ATOH8: variants seen among roughly 807,000 people sequenced by gnomAD.
The protein encoded by ATOH8 is transcription factor ATOH8.
In ATOH8, 9 loss-of-function variants were observed where a neutral mutation model predicts 21.2. The ratio of observed to expected loss-of-function variants is 0.42; its 90% confidence interval spans 0.26 to 0.74. ATOH8 has a LOEUF of 0.74. Ranked by LOEUF, ATOH8 falls within the 30% of genes least tolerant of loss-of-function variation. The probability of loss-of-function intolerance (pLI) is 0.24; values close to 1 mark genes in which losing one functional copy is unlikely to be tolerated. For missense variants in ATOH8, 524 were observed against 470.9 expected (o/e 1.11, Z -1.04); for synonymous variants, 253 against 224.0 (o/e 1.13, Z -1.16).
At chr2:85,772,924 G>C in intron 2 of ATOH8, 1 of 415,184 alleles carries the variant, frequency 2.4e-6, no homozygotes. Context: ...CTGACACTGC[G>C]GAACTTTTCT....
In ATOH8 at chr2:85,790,239, G is replaced by A. The variant is rs1680733501; in HGVS notation, c.*3349G>A. Among the ~76,000 whole-genome samples the A allele has an allele frequency of 6.6e-6, 1 of 152,212 alleles. No homozygotes were observed. Among genetic ancestry groups the A allele is most frequent in the South Asian group, 2.1e-4 (1 of 4,824 alleles). On this transcript the variant is annotated 3_prime_UTR_variant, in exon 3 of 3. Transcript: ENST00000306279. ...TGGGTCACCAGGCACAGGCCATAAA[G>A]GGATGAGGGGGCCCTCTCCAGGGAC...
chr2:85,756,483 G>T lies in ATOH8; in HGVS notation c.768+1526G>T, dbSNP rs533651927. Reference sequence around the variant, plus strand: ...GTGCCCAGAGCCTCATAGCTGTTGAGTAGCAGGTCAGGGCTGGCACCTAGG... The same window carrying T: ...GTGCCCAGAGCCTCATAGCTGTTGATTAGCAGGTCAGGGCTGGCACCTAGG... On this transcript the variant is annotated intron_variant, in intron 1 of 2. Coordinates refer to ENST00000306279, the MANE Select transcript of ATOH8 (RefSeq NM_032827.7). Among the ~76,000 whole-genome samples, 8 of 152,312 alleles carry T rather than the reference G, an allele frequency of 5.3e-5. No homozygotes were observed. In the South Asian group the frequency reaches 1.5e-3, roughly 28 times the overall value.
chr2:85,778,314 G>T (rs557281590), intron 2 of ATOH8, among the ~76,000 whole-genome samples: 1 of 152,236 alleles, frequency 6.6e-6, no homozygotes, highest in African/African-American at 2.4e-5. Flanking sequence ...GTGTGTGTGT[G>T]TGCGCGCGCG....
Position 85,789,572 on chromosome 2 carries a change from G to A in ATOH8, c.*2682G>A, listed in dbSNP as rs1460178365. Reference sequence around the variant, plus strand: ...GGCTTTCTATGCAGAGGAGCACTCAGCGCTGGCAGGAAATTGGAATCACCC... The same window carrying A: ...GGCTTTCTATGCAGAGGAGCACTCAACGCTGGCAGGAAATTGGAATCACCC... On this transcript the variant is annotated 3_prime_UTR_variant, in exon 3 of 3. Coordinates refer to ENST00000306279, the MANE Select transcript of ATOH8 (RefSeq NM_032827.7). Among the ~76,000 whole-genome samples the A allele has an allele frequency of 6.6e-6, 1 of 152,210 alleles. No individual in the cohort carries two copies. Among genetic ancestry groups the A allele is most frequent in the Admixed American group, 6.5e-5 (1 of 15,284 alleles).
At chr2:85,775,537 A>T (rs1310230541) in intron 2 of ATOH8, among the ~76,000 whole-genome samples, 1 of 152,202 alleles carries the variant, frequency 6.6e-6, no homozygotes, top group Non-Finnish European at 1.5e-5. Context: ...ATAGTTCAGA[A>T]ATCAGCTGCT....
At chr2:85,760,082 T>C (rs540502962) in intron 1 of ATOH8, among the ~76,000 whole-genome samples, 2 of 152,100 alleles carry the variant, frequency 1.3e-5, no homozygotes, top group African/African-American at 4.8e-5. Flanking sequence ...CCCAGGCCAG[T>C]GCTCTTCATG....
chr2:85,776,531 C>T (rs79736566), intron 2 of ATOH8, among the ~76,000 whole-genome samples: 3 of 152,212 alleles, frequency 2.0e-5, no homozygotes, highest in Non-Finnish European at 4.4e-5. Flanking sequence ...CCCCTCCTCA[C>T]GCAGTGACTT....
intron 2 of ATOH8, among the ~76,000 whole-genome samples, chr2:85,781,582 AG>A (rs1236299036): frequency 6.6e-6 from 1 of 151,620 alleles, no homozygotes; most frequent in Non-Finnish European, 1.5e-5. Context: ...AAATAAATAA[AG>A]ATGAGGAAAC....
chr2:85,754,324 G>A lies in ATOH8; in HGVS notation c.135G>A (p.Leu45=). The change falls in exon 1 of 3, where the codon CTG becomes CTA. Residue 45 remains leucine (L), a synonymous_variant. Transcript: ENST00000306279. ...RRANGYKTFR[L]DLEAPEPRAV... is the part of the protein sequence containing the mutation. ...CGAACGGCTATAAAACTTTCCGACTGGACTTGGAAGCGCCCGAGCCCCGCG... is the reference window on the plus strand; with the variant it reads ...CGAACGGCTATAAAACTTTCCGACTAGACTTGGAAGCGCCCGAGCCCCGCG... 8 of 1,609,360 alleles carry A rather than the reference G, an allele frequency of 5.0e-6. No homozygotes were observed. The highest frequency in any genetic ancestry group is 6.8e-6 in the Non-Finnish European group (8 of 1,178,618).
intron 2 of ATOH8, among the ~76,000 whole-genome samples, chr2:85,778,940 A>ACCAGCCTGGGTGCCTCCT (rs1462749449): frequency 3.4e-4 from 51 of 152,098 alleles, no homozygotes; most frequent in African/African-American, 1.2e-3. Flanking sequence ...TCTGCTCTCC[A>ACCAGCCTGGGTGCCTCCT]CCAGCCTGGG....
At chr2:85,758,429 G>A (rs1232103767) in intron 1 of ATOH8, among the ~76,000 whole-genome samples, 3 of 152,182 alleles carry the variant, frequency 2.0e-5, no homozygotes, top group Non-Finnish European at 2.9e-5. Context: ...CCAGGGTGGC[G>A]GTGCCTCGTG....
intron 1 of ATOH8, among the ~76,000 whole-genome samples, chr2:85,757,097 G>A (rs748991599): frequency 9.9e-5 from 15 of 152,258 alleles, no homozygotes; most frequent in Non-Finnish European, 2.1e-4. Context: ...ACACACAAAT[G>A]CATGGTCACA....
At chr2:85,774,792 C>T (rs1174672399) in intron 2 of ATOH8, 1 of 984,320 alleles carries the variant, frequency 1.0e-6, no homozygotes, top group Non-Finnish European at 1.2e-6. Flanking sequence ...ATTTACACCC[C>T]AGCAGCACAG....
At chr2:85,772,524 C>G in intron 2 of ATOH8, 1 of 351,946 alleles carries the variant, frequency 2.8e-6, no homozygotes, top group Non-Finnish European at 5.5e-6. Context: ...AGCCCAAGCA[C>G]TCAGTCACCA....
intron 2 of ATOH8, chr2:85,773,162 G>T (rs1680235073): frequency 3.4e-6 from 1 of 291,198 alleles, no homozygotes; most frequent in East Asian, 1.0e-4. Context: ...CGGACACCAT[G>T]CAGAGACCCC....
At chr2:85,762,625 G>A (rs1009822592) in intron 1 of ATOH8, among the ~76,000 whole-genome samples, 1 of 152,148 alleles carries the variant, frequency 6.6e-6, no homozygotes, top group Non-Finnish European at 1.5e-5. Flanking sequence ...GGGTAGGGGA[G>A]GTCAGGGAAA....
intron 2 of ATOH8, chr2:85,774,541 C>T: frequency 1.0e-6 from 1 of 985,520 alleles, no homozygotes; most frequent in Non-Finnish European, 1.2e-6. Context: ...AACATCTTGC[C>T]ACCTCTGCCC....
At chr2:85,762,610 G>T (rs867071415) in intron 1 of ATOH8, among the ~76,000 whole-genome samples, 4 of 152,312 alleles carry the variant, frequency 2.6e-5, no homozygotes, top group Middle Eastern at 3.4e-3. Context: ...GTCCCTCCTG[G>T]TGTAGGGTAG....
At chr2:85,782,353 G>A (rs1291076309) in intron 2 of ATOH8, among the ~76,000 whole-genome samples, 2 of 152,182 alleles carry the variant, frequency 1.3e-5, no homozygotes, top group Non-Finnish European at 2.9e-5. Context: ...AATGTAAAAG[G>A]TAAAATAACT....
Sources: allele counts gnomAD v4.1 joint callset (sites outside exome capture counted in the v4.1 genomes callset), GRCh38; gene constraint gnomAD v4.1.1; transcripts MANE v1.5; gene names NCBI Gene and HGNC (gene_info 2026-07-23, HGNC 2026-07-21).